STK24: variants seen among roughly 807,000 people sequenced by gnomAD.
STK24 encodes serine/threonine kinase 24, also known as serine/threonine-protein kinase 24.
In STK24, 21 loss-of-function variants were observed where a neutral mutation model predicts 55.6. The observed-to-expected ratio is 0.38, with a 90% confidence interval of 0.27 to 0.54. The LOEUF (loss-of-function observed/expected upper bound fraction) is 0.54, where lower values mean the gene tolerates loss of function less well. Ranked by LOEUF, STK24 falls within the 20% of genes least tolerant of loss-of-function variation. The pLI is 0.79. For synonymous variants in STK24, 200 were observed against 215.2 expected (o/e 0.93, Z 0.62); for missense variants, 383 against 538.4 (o/e 0.71, Z 2.86).
At position 98,551,356 on chromosome 13, in the gene STK24, C is replaced by T. The variant is rs1897156206; in HGVS notation, c.42+25389G>A. Among the ~76,000 whole-genome samples the T allele has an allele frequency of 1.3e-5, 2 of 151,732 alleles. 1 individual carries two copies. The highest frequency in any genetic ancestry group is 4.8e-5 in the African/African-American group (2 of 41,288). ...TTGTTTTCTGTCCCTCAAGCAAAAT[C>T]AGAAATAAGCTACGAGGCCACCAAG... On this transcript the variant is annotated intron_variant, in intron 1 of 10. Coordinates refer to ENST00000539966, the MANE Select transcript of STK24 (RefSeq NM_001032296.4).
chr13:98,454,405 C>T (rs1414783244), intron 10 of STK24: 1 of 152,164 alleles, frequency 6.6e-6, no homozygotes, highest in African/African-American at 2.4e-5. Context: ...TTTGACCAGG[C>T]TTATCTCAAA....
At chr13:98,537,976 G>A (rs980774067) in intron 1 of STK24, among the ~76,000 whole-genome samples, 2 of 152,078 alleles carry the variant, frequency 1.3e-5, no homozygotes, top group South Asian at 4.1e-4. Flanking sequence ...TGCTCCGCTC[G>A]GGGTGCAGCT....
intron 2 of STK24, among the ~76,000 whole-genome samples, chr13:98,498,265 G>T (rs1895324331): frequency 6.6e-6 from 1 of 152,240 alleles, no homozygotes; most frequent in Admixed American, 6.5e-5. Context: ...ATATGATGTT[G>T]GTTGGTTGCT....
chr13:98,467,961 C>G (rs565387377), intron 5 of STK24, among the ~76,000 whole-genome samples: 9 of 152,198 alleles, frequency 5.9e-5, no homozygotes, highest in Admixed American at 1.3e-4. Flanking sequence ...TACAGCTTTC[C>G]TGCTGTTCTC....
In STK24 at chr13:98,446,193, C is replaced by T; in HGVS notation, c.*6980G>A. 2.5e-6 allele frequency: 4 copies of T among 1,610,852 alleles called. No individual in the cohort carries two copies. Among genetic ancestry groups the T allele is most frequent in the Non-Finnish European group, 8.5e-7 (1 of 1,177,130 alleles). ...TCACAAACTTCTGCCTGTTCTTCTA[C>T]AAATCACACCAGGTAAGTGTCTCGC... On this transcript the variant is annotated 3_prime_UTR_variant, in exon 11 of 11. Coordinates refer to ENST00000539966, the MANE Select transcript of STK24 (RefSeq NM_001032296.4).
chr13:98,517,734 AC>A (rs1896117479), intron 2 of STK24, among the ~76,000 whole-genome samples: 2 of 152,220 alleles, frequency 1.3e-5, no homozygotes, highest in Non-Finnish European at 2.9e-5. Context: ...TGGGTGCACC[AC>A]ACAGCAACAT....
chr13:98,575,482 C>CT (rs1392078205), intron 1 of STK24, among the ~76,000 whole-genome samples: 4 of 152,036 alleles, frequency 2.6e-5, no homozygotes, highest in African/African-American at 9.7e-5. Context: ...AAAGTGGTAA[C>CT]TTTGAGTTCC....
At chr13:98,551,412 T>C (rs1241534755) in intron 1 of STK24, among the ~76,000 whole-genome samples, 1 of 151,596 alleles carries the variant, frequency 6.6e-6, no homozygotes, top group African/African-American at 2.4e-5. Flanking sequence ...AGTTATCTAA[T>C]CCATTAAGGA....
At chr13:98,569,762 G>A (rs1214515781) in intron 1 of STK24, among the ~76,000 whole-genome samples, 10 of 151,786 alleles carry the variant, frequency 6.6e-5, no homozygotes, top group South Asian at 2.1e-4. Flanking sequence ...GGGGGAGAGC[G>A]GGGAGCCCAT....
intron 3 of STK24, among the ~76,000 whole-genome samples, chr13:98,478,945 T>C (rs1352687390): frequency 1.3e-5 from 2 of 152,196 alleles, no homozygotes; most frequent in Admixed American, 6.5e-5. Context: ...AACGGTGTAA[T>C]TGACAGACCT....
At chr13:98,550,310 G>C (rs1897128055) in intron 1 of STK24, among the ~76,000 whole-genome samples, 1 of 152,174 alleles carries the variant, frequency 6.6e-6, no homozygotes, top group Non-Finnish European at 1.5e-5. Context: ...AGGTCAAGGG[G>C]GGAAGATCGC....
intron 3 of STK24, among the ~76,000 whole-genome samples, chr13:98,479,769 A>C (rs1894516219): frequency 6.6e-6 from 1 of 152,192 alleles, no homozygotes; most frequent in East Asian, 1.9e-4. Context: ...TGTGGGAAAG[A>C]AGCAAAGACT....
At chr13:98,542,295 T>C (rs57427765) in intron 1 of STK24, among the ~76,000 whole-genome samples, 4,876 of 152,234 alleles carry the variant, frequency 0.032, 239 homozygotes, top group African/African-American at 0.11. Context: ...TAAATAAATA[T>C]TGCTGAGTAG....
intron 1 of STK24, among the ~76,000 whole-genome samples, chr13:98,523,712 G>C (rs1171304256): frequency 1.3e-5 from 2 of 152,214 alleles, no homozygotes; most frequent in Non-Finnish European, 2.9e-5. Flanking sequence ...TTAGCTGACT[G>C]CAGAGAGCCC....
intron 1 of STK24, among the ~76,000 whole-genome samples, chr13:98,555,015 A>C (rs80032306): frequency 1.7e-5 from 1 of 59,242 alleles, no homozygotes. Flanking sequence ...ACTCCAACTC[A>C]AAAAAAAAAA....
intron 1 of STK24, among the ~76,000 whole-genome samples, chr13:98,542,095 C>A (rs1462353872): frequency 6.6e-6 from 1 of 152,204 alleles, no homozygotes; most frequent in Non-Finnish European, 1.5e-5. Context: ...TAACTCATTT[C>A]TTATCCCGAC....
intron 1 of STK24, among the ~76,000 whole-genome samples, chr13:98,560,172 C>A (rs935928703): frequency 1.1e-4 from 17 of 152,332 alleles, no homozygotes; most frequent in Middle Eastern, 3.4e-3. Context: ...TCAGTGCCAA[C>A]AGGCAGACAC....
At position 98,446,137 on chromosome 13, in the gene STK24, A is replaced by G. The variant is rs1351541967; in HGVS notation, c.*7036T>C. On this transcript the variant is annotated 3_prime_UTR_variant, in exon 11 of 11. Transcript: ENST00000539966. ...AAACCTGCTGAGGAAATTCAAAAAC[A>G]GCAACGGGTGGCAGAAGCTGTGGGT... 27 of 1,614,008 alleles carry G rather than the reference A, an allele frequency of 1.7e-5. No homozygotes were observed. The highest frequency in any genetic ancestry group is 2.1e-5 in the Non-Finnish European group (25 of 1,179,960).
At chr13:98,553,558 T>TCACCCAAAATTCAAAGAAAA in intron 1 of STK24, 1 of 168,632 alleles carries the variant, frequency 5.9e-6, no homozygotes, top group East Asian at 1.7e-4. Context: ...GTTCTGAGCA[T>TCACCCAAAATTCAAAGAAAA]CACCCAAAAT....
Sources: gnomAD v4.1 joint callset for allele counts (sites outside exome capture counted in the v4.1 genomes callset) on GRCh38, gnomAD v4.1.1 for gene constraint, MANE v1.5 for transcripts, NCBI Gene and HGNC (gene_info 2026-07-23, HGNC 2026-07-21) for gene names.